The following NRG3 variants were observed in gnomAD, a reference collection of about 807,000 sequenced individuals.
NRG3 encodes neuregulin 3, also known as pro-neuregulin-3, membrane-bound isoform.
NRG3 carries 31 observed loss-of-function variants against 66.9 expected under a neutral mutation model. The ratio of observed to expected loss-of-function variants is 0.46; its 90% CI spans 0.35 to 0.63. The LOEUF is 0.63. Ranked by LOEUF, NRG3 falls within the 20% of genes least tolerant of loss-of-function variation. The probability of loss-of-function intolerance (pLI) is 0.00; values close to 1 mark genes in which losing one functional copy is unlikely to be tolerated. For missense variants in NRG3, 910 were observed against 878.9 expected (o/e 1.04, Z -0.45); for synonymous variants, 393 against 359.4 (o/e 1.09, Z -1.06).
At chr10:82,860,960 A>G (rs948906696) in intron 3 of NRG3, among the ~76,000 whole-genome samples, 1 of 152,198 alleles carries the variant, frequency 6.6e-6, no homozygotes, top group African/African-American at 2.4e-5. Flanking sequence ...GTGAAGGGTT[A>G]TGAGAAATAG....
intron 1 of NRG3, among the ~76,000 whole-genome samples, chr10:82,073,740 T>A (rs1014642233): frequency 1.3e-5 from 2 of 152,216 alleles, no homozygotes; most frequent in Non-Finnish European, 2.9e-5. Flanking sequence ...CTGTAATTAA[T>A]GCCGCAAATA....
At chr10:82,905,983 C>G (rs1037396843) in intron 4 of NRG3, among the ~76,000 whole-genome samples, 3 of 152,162 alleles carry the variant, frequency 2.0e-5, no homozygotes, top group Non-Finnish European at 2.9e-5. Context: ...ATATGTCAAT[C>G]TAGCAAGACT....
chr10:82,031,589 G>GA (rs1227039167), intron 1 of NRG3, among the ~76,000 whole-genome samples: 3 of 151,996 alleles, frequency 2.0e-5, no homozygotes, highest in Non-Finnish European at 4.4e-5. Context: ...AAAAGGAATT[G>GA]AAAACCACAT....
intron 1 of NRG3, among the ~76,000 whole-genome samples, chr10:82,058,866 G>A (rs1207801753): frequency 6.6e-6 from 1 of 152,094 alleles, no homozygotes; most frequent in Admixed American, 6.6e-5. Context: ...GCTTGCCATG[G>A]GAACGTATAT....
chr10:82,490,288 GC>G (rs931652151), intron 2 of NRG3, among the ~76,000 whole-genome samples: 1 of 152,026 alleles, frequency 6.6e-6, no homozygotes, highest in Non-Finnish European at 1.5e-5. Flanking sequence ...TTTTCAGATT[GC>G]TTTTCCCCTC....
chr10:82,364,030 T>C (rs1234797988), intron 2 of NRG3, among the ~76,000 whole-genome samples: 1 of 152,180 alleles, frequency 6.6e-6, no homozygotes, highest in African/African-American at 2.4e-5. Flanking sequence ...AGTTTACAAC[T>C]ATTTCCTTCT....
At chr10:82,887,547 A>C (rs1842828271) in intron 4 of NRG3, among the ~76,000 whole-genome samples, 1 of 152,240 alleles carries the variant, frequency 6.6e-6, no homozygotes, top group African/African-American at 2.4e-5. Flanking sequence ...TGAAAGCATG[A>C]CACGTATAAA....
At chr10:82,705,143 A>C (rs987488860) in intron 2 of NRG3, among the ~76,000 whole-genome samples, 1 of 152,206 alleles carries the variant, frequency 6.6e-6, no homozygotes, top group Non-Finnish European at 1.5e-5. Context: ...AAAACTATAG[A>C]AAAGGGAAAG....
At chr10:82,018,400 A>T (rs1284877946) in intron 1 of NRG3, among the ~76,000 whole-genome samples, 1 of 152,080 alleles carries the variant, frequency 6.6e-6, no homozygotes, top group African/African-American at 2.4e-5. Flanking sequence ...TTGGCTTAGG[A>T]TTGACTTGGC....
At chr10:82,567,064 C>A (rs539018011) in intron 2 of NRG3, among the ~76,000 whole-genome samples, 9 of 152,072 alleles carry the variant, frequency 5.9e-5, no homozygotes, top group Non-Finnish European at 1.3e-4. Flanking sequence ...ACCATCTAAA[C>A]CCACAGGTTC....
chr10:82,479,794 C>T lies in NRG3; in HGVS notation c.953+120926C>T, dbSNP rs1324477977. On this transcript the variant is annotated intron_variant, in intron 2 of 8. Coordinates refer to ENST00000372141, the MANE Select transcript of NRG3 (RefSeq NM_001010848.4). ...CATCCTGGCTAACATGGTAAAACTCCGTCTCTACTAAAAACACAAAAAAAT... is the reference window on the plus strand; with the variant it reads ...CATCCTGGCTAACATGGTAAAACTCTGTCTCTACTAAAAACACAAAAAAAT... Among the ~76,000 whole-genome samples, 4 of 151,906 alleles carry T rather than the reference C, an allele frequency of 2.6e-5. No individual in the cohort carries two copies. In the East Asian group the frequency reaches 7.8e-4, roughly 30 times the overall value.
chr10:82,544,318 GTTGTTTTTTGTTT>G (rs1236864889), intron 2 of NRG3, among the ~76,000 whole-genome samples: 2 of 151,900 alleles, frequency 1.3e-5, no homozygotes, highest in African/African-American at 2.4e-5. Context: ...TTTTTTTGTT[GTTGTTTTTTGTTT>G]TTGTTTTTGT....
At chr10:82,521,484 G>A (rs539505673) in intron 2 of NRG3, among the ~76,000 whole-genome samples, 14 of 152,044 alleles carry the variant, frequency 9.2e-5, no homozygotes, top group Admixed American at 7.2e-4. Flanking sequence ...GGGACCACAC[G>A]CGCCCGCCAC....
intron 2 of NRG3, among the ~76,000 whole-genome samples, chr10:82,572,390 G>T (rs2045789885): frequency 6.6e-6 from 1 of 151,698 alleles, no homozygotes; most frequent in South Asian, 2.1e-4. Flanking sequence ...GTTGATTTTG[G>T]AGGTACTTAG....
intron 1 of NRG3, among the ~76,000 whole-genome samples, chr10:82,038,747 A>G (rs545637040): frequency 2.0e-5 from 3 of 152,176 alleles, no homozygotes; most frequent in African/African-American, 7.2e-5. Flanking sequence ...CCACCTGAAC[A>G]TTTGTTTTGT....
At chr10:82,984,358 C>T (rs143652337) in intron 8 of NRG3, among the ~76,000 whole-genome samples, 181 of 152,298 alleles carry the variant, frequency 1.2e-3, no homozygotes, top group Non-Finnish European at 2.1e-3. Flanking sequence ...CAAAGAACTA[C>T]CTTACTTGGT....
intron 1 of NRG3, among the ~76,000 whole-genome samples, chr10:82,136,158 G>A (rs2132576754): frequency 6.6e-6 from 1 of 152,288 alleles, no homozygotes; most frequent in East Asian, 1.9e-4. Flanking sequence ...TGGATTACCA[G>A]GCAGAGATTC....
intron 2 of NRG3, among the ~76,000 whole-genome samples, chr10:82,669,814 G>A (rs906013014): frequency 6.6e-6 from 1 of 151,902 alleles, no homozygotes; most frequent in African/African-American, 2.4e-5. Flanking sequence ...TGTAGTCCCA[G>A]CTGCTCAGGA....
chr10:82,907,653 T>C (rs1009287022), intron 4 of NRG3, among the ~76,000 whole-genome samples: 3 of 152,234 alleles, frequency 2.0e-5, no homozygotes, highest in Admixed American at 6.5e-5. Context: ...ATATATGTGA[T>C]GTATGTTATA....
Sources: allele counts gnomAD v4.1 joint callset (sites outside exome capture counted in the v4.1 genomes callset), GRCh38; gene constraint gnomAD v4.1.1; transcripts MANE v1.5; gene names NCBI Gene and HGNC (gene_info 2026-07-23, HGNC 2026-07-21).